Variants in ST3GAL1 observed in about 807,000 individuals in gnomAD.
The protein encoded by ST3GAL1 is ST3 beta-galactoside alpha-2,3-sialyltransferase 1.
A neutral mutation model predicts 34.1 loss-of-function variants in ST3GAL1; 16 were observed. The observed-to-expected ratio is 0.47, with a 90% CI of 0.32 to 0.71. The LOEUF is 0.71. Among genes scored for constraint, ST3GAL1 ranks in the 30% least tolerant of loss-of-function variants. The pLI is 0.04. For synonymous variants in ST3GAL1, 191 were observed against 184.7 expected (o/e 1.03, Z -0.28); for missense variants, 353 against 447.4 (o/e 0.79, Z 1.90).
At chr8:133,479,486 T>C (rs1244474884) in intron 3 of ST3GAL1, among the ~76,000 whole-genome samples, 1 of 152,156 alleles carries the variant, frequency 6.6e-6, no homozygotes, top group Non-Finnish European at 1.5e-5. Flanking sequence ...ACATTTGCCT[T>C]TATAATGAGC....
chr8:133,456,185 A>G lies in ST3GAL1; in HGVS notation c.*3579T>C, dbSNP rs1356147792. ...CAGCCCAGGATCCCTGCAGAGAACC[A>G]GAGGTTACAAATCTGCCCTCCTTTC... On this transcript the variant is annotated 3_prime_UTR_variant, in exon 10 of 10. Coordinates refer to ENST00000522652, the MANE Select transcript of ST3GAL1 (RefSeq NM_173344.3). 1.3e-5 allele frequency: 2 copies of G among 152,238 alleles called. No homozygotes were observed. Among genetic ancestry groups the G allele is most frequent in the Non-Finnish European group, 2.9e-5 (2 of 68,032 alleles). The allele number at this position is 152,238 out of a possible 1,614,324, so 9.4% of individuals were successfully genotyped here.
intron 1 of ST3GAL1, among the ~76,000 whole-genome samples, chr8:133,568,361 T>G (rs947457459): frequency 1.3e-5 from 2 of 152,104 alleles, no homozygotes; most frequent in African/African-American, 2.4e-5. Context: ...GTGACCAAAT[T>G]AGAGCAGAAG....
intron 2 of ST3GAL1, among the ~76,000 whole-genome samples, chr8:133,524,476 C>G (rs553818307): frequency 6.6e-6 from 1 of 152,246 alleles, no homozygotes; most frequent in African/African-American, 2.4e-5. Flanking sequence ...TGGCCAGCAG[C>G]GCCTTCTACC....
At chr8:133,462,106 T>C in intron 8 of ST3GAL1, 112 bp from the exon 9 acceptor site, 7 of 1,486,660 alleles carry the variant, frequency 4.7e-6, no homozygotes, top group Middle Eastern at 1.8e-4. Context: ...ATGAGCCTAA[T>C]AGATACGCCT....
At chr8:133,529,870 TTTCTC>T (rs1818092256) in intron 2 of ST3GAL1, among the ~76,000 whole-genome samples, 1 of 152,190 alleles carries the variant, frequency 6.6e-6, no homozygotes, top group Non-Finnish European at 1.5e-5. Flanking sequence ...TCTGCTCATC[TTTCTC>T]TTCTCAGTGT....
intron 1 of ST3GAL1, among the ~76,000 whole-genome samples, chr8:133,568,912 G>A (rs2131124107): frequency 6.6e-6 from 1 of 152,288 alleles, no homozygotes; most frequent in Non-Finnish European, 1.5e-5. Context: ...CCCATAAGAA[G>A]GGCTTCCAGA....
intron 1 of ST3GAL1, among the ~76,000 whole-genome samples, chr8:133,546,658 C>T (rs1818680393): frequency 6.6e-6 from 1 of 152,002 alleles, no homozygotes; most frequent in East Asian, 1.9e-4. Flanking sequence ...AGTGTGACAT[C>T]GGGGTTAGGA....
chr8:133,492,290 A>C (rs997163344), intron 3 of ST3GAL1, among the ~76,000 whole-genome samples: 2 of 152,204 alleles, frequency 1.3e-5, no homozygotes, highest in African/African-American at 4.8e-5. Flanking sequence ...TGAGTCCTGG[A>C]GATGGCTGGG....
At chr8:133,511,825 G>A (rs980040332) in intron 2 of ST3GAL1, among the ~76,000 whole-genome samples, 8 of 152,098 alleles carry the variant, frequency 5.3e-5, no homozygotes, top group South Asian at 4.1e-4. Flanking sequence ...AGGCCGAGGC[G>A]GGCAGATCAT....
intron 2 of ST3GAL1, among the ~76,000 whole-genome samples, chr8:133,523,837 T>C (rs1000021203): frequency 5.3e-5 from 8 of 152,222 alleles, no homozygotes; most frequent in African/African-American, 1.9e-4. Context: ...CCACTGGATG[T>C]TGTGACACGC....
chr8:133,524,938 T>A (rs1027549869), intron 2 of ST3GAL1, among the ~76,000 whole-genome samples: 5 of 152,222 alleles, frequency 3.3e-5, no homozygotes, highest in African/African-American at 1.2e-4. Context: ...AGCCCCTAGA[T>A]CTGGGCTTCC....
chr8:133,558,983 A>G (rs1212428807), intron 1 of ST3GAL1, among the ~76,000 whole-genome samples: 1 of 151,972 alleles, frequency 6.6e-6, no homozygotes, highest in African/African-American at 2.4e-5. Flanking sequence ...AAAGCTGTGC[A>G]TATCAGGTGA....
chr8:133,557,635 G>A (rs1819091013), intron 1 of ST3GAL1, among the ~76,000 whole-genome samples: 1 of 152,182 alleles, frequency 6.6e-6, no homozygotes, highest in African/African-American at 2.4e-5. Context: ...AGATCATGAG[G>A]TCAAGAGTTT....
intron 2 of ST3GAL1, among the ~76,000 whole-genome samples, chr8:133,544,307 C>T (rs1407868015): frequency 2.0e-5 from 3 of 152,224 alleles, no homozygotes; most frequent in Non-Finnish European, 4.4e-5. Flanking sequence ...CCAGTCTTGT[C>T]CCATAAGATG....
At chr8:133,525,352 G>T (rs995931717) in intron 2 of ST3GAL1, among the ~76,000 whole-genome samples, 1 of 152,230 alleles carries the variant, frequency 6.6e-6, no homozygotes, top group Admixed American at 6.5e-5. Flanking sequence ...GTCTGGCTGA[G>T]TCCAGGGTTT....
chr8:133,499,696 G>A (rs1391829651), intron 2 of ST3GAL1, among the ~76,000 whole-genome samples: 1 of 152,146 alleles, frequency 6.6e-6, no homozygotes, highest in Non-Finnish European at 1.5e-5. Flanking sequence ...ACATTATTTA[G>A]CCTCATGACA....
chr8:133,462,001 G>A lies in ST3GAL1; in HGVS notation c.730-7C>T. On this transcript the variant is annotated splice_region_variant and splice_polypyrimidine_tract_variant and intron_variant, in intron 8 of 9. Transcript: ENST00000522652. ...CTGGGTGGTAGATCAGGATCTGCGG[G>A]GATGGGAAGACACGGCCCTTAGTGA... 1.2e-6 allele frequency: 2 copies of A among 1,614,060 alleles called. No homozygotes were observed. Among genetic ancestry groups the A allele is most frequent in the Non-Finnish European group, 1.7e-6 (2 of 1,179,990 alleles).
intron 2 of ST3GAL1, among the ~76,000 whole-genome samples, chr8:133,531,173 CT>C (rs1028783349): frequency 5.3e-5 from 8 of 151,966 alleles, no homozygotes. Context: ...GTGACTTTTG[CT>C]ATAGTAACAT....
At chr8:133,503,465 C>T (rs551677576) in intron 2 of ST3GAL1, among the ~76,000 whole-genome samples, 26 of 152,240 alleles carry the variant, frequency 1.7e-4, no homozygotes, top group African/African-American at 5.1e-4. Context: ...GCTCCCCCTC[C>T]GCCCCATCTC....
Sources: gnomAD v4.1 joint callset for allele counts (sites outside exome capture counted in the v4.1 genomes callset) on GRCh38, gnomAD v4.1.1 for gene constraint, MANE v1.5 for transcripts, NCBI Gene and HGNC (gene_info 2026-07-23, HGNC 2026-07-21) for gene names.